ARHGEF10: variants seen among roughly 807,000 people sequenced by gnomAD.
The protein encoded by ARHGEF10 is Rho guanine nucleotide exchange factor (GEF) 10.
In ARHGEF10, 140 loss-of-function variants were observed where a neutral mutation model predicts 147.4. That is an observed-to-expected ratio of 0.95 (90% CI 0.83 to 1.09). The LOEUF (loss-of-function observed/expected upper bound fraction) is 1.09. ARHGEF10 is among the 50% of genes least tolerant of loss of function. The probability of loss-of-function intolerance (pLI) is 0.00; values close to 1 mark genes in which losing one functional copy is unlikely to be tolerated. For synonymous variants in ARHGEF10, 902 were observed against 695.8 expected (o/e 1.30, Z -4.67); for missense variants, 2,222 against 1,752.7 (o/e 1.27, Z -4.78).
In ARHGEF10 at chr8:1,923,023, T is replaced by C. The variant is rs781586127; in HGVS notation, c.2203T>C (p.Leu735=). 18 of 1,613,722 alleles carry C rather than the reference T, an allele frequency of 1.1e-5. No homozygotes were observed. The highest frequency in any genetic ancestry group is 1.4e-5 in the Non-Finnish European group (17 of 1,179,950). ...AGATTTACAAAACTTGTTGCATGAC[T>C]TAAATGTAATTGGCCAAATCACTCA... ...YQDLQNLLHD[L]NVIGQITQLI... The change falls in exon 19 of 29, where the codon TTA becomes CTA. Residue 735 remains leucine (L), a synonymous_variant. Coordinates refer to ENST00000349830, the MANE Select transcript of ARHGEF10 (RefSeq NM_014629.4).
intron 23 of ARHGEF10, chr8:1,927,449 C>T (rs1812773226): frequency 6.6e-6 from 1 of 152,150 alleles, no homozygotes; most frequent in Non-Finnish European, 1.5e-5. Flanking sequence ...ATGAAAACAT[C>T]ACCCTAAACC....
intron 7 of ARHGEF10, among the ~76,000 whole-genome samples, chr8:1,872,207 T>A (rs1414938627): frequency 6.6e-6 from 1 of 152,194 alleles, no homozygotes; most frequent in Non-Finnish European, 1.5e-5. Flanking sequence ...CCTTGAAGAA[T>A]CAACTATACC....
At chr8:1,887,384 G>A (rs1310075393) in intron 11 of ARHGEF10, among the ~76,000 whole-genome samples, 1 of 152,298 alleles carries the variant, frequency 6.6e-6, no homozygotes, top group South Asian at 2.1e-4. Flanking sequence ...GGCAGGATGC[G>A]GGGGTGAGTG....
At position 1,956,762 on chromosome 8, in the gene ARHGEF10, C is replaced by T. The variant is rs765355373; in HGVS notation, c.3534C>T (p.Val1178=). 6.2e-7 allele frequency: 1 copy of T among 1,613,812 alleles called. No homozygotes were observed. The highest frequency in any genetic ancestry group is 1.3e-5 in the African/African-American group (1 of 74,928). Residue 1178 remains valine, a synonymous_variant, in exon 29 of 29, where the codon GTC becomes GTT. Transcript: ENST00000349830. ...TTCCCTTTTCAGGAAGAGGCATGGT[C>T]TCCTACCATGCACACAACAGTCCTG... ...GIPKVTGRGM[V]SYHAHNSPVK... is the part of the protein sequence containing the mutation.
intron 21 of ARHGEF10, 78 bp from the exon 22 acceptor site, chr8:1,925,205 C>G: frequency 1.3e-6 from 2 of 1,589,578 alleles, no homozygotes; most frequent in Non-Finnish European, 8.6e-7. Context: ...ACTTCCCCTG[C>G]TATGACCTGT....
chr8:1,844,122 T>G (rs368257025), intron 2 of ARHGEF10, among the ~76,000 whole-genome samples: 54 of 152,210 alleles, frequency 3.5e-4, no homozygotes, highest in African/African-American at 1.2e-3. Context: ...GGGCCTGGTG[T>G]CCGTTGCAGG....
At chr8:1,950,555 G>A (rs1412193139) in intron 27 of ARHGEF10, among the ~76,000 whole-genome samples, 3 of 150,558 alleles carry the variant, frequency 2.0e-5, no homozygotes, top group African/African-American at 4.9e-5. Flanking sequence ...TATTTGAAAC[G>A]GAGTTTCACT....
intron 1 of ARHGEF10, among the ~76,000 whole-genome samples, chr8:1,830,589 A>G (rs554107113): frequency 6.6e-6 from 1 of 152,362 alleles, no homozygotes; most frequent in South Asian, 2.1e-4. Flanking sequence ...CAGGTGTTTC[A>G]TGAATACCGC....
intron 1 of ARHGEF10, chr8:1,826,038 C>A: frequency 7.2e-7 from 1 of 1,388,826 alleles, no homozygotes; most frequent in Non-Finnish European, 1.0e-6. Flanking sequence ...CCCTGTCTGT[C>A]TCTCACAGCA....
chr8:1,834,166 TG>T (rs1803440024), intron 1 of ARHGEF10, among the ~76,000 whole-genome samples: 1 of 152,188 alleles, frequency 6.6e-6, no homozygotes, highest in Non-Finnish European at 1.5e-5. Context: ...GGTCCGGGGC[TG>T]CTTGTCCCCT....
intron 2 of ARHGEF10, among the ~76,000 whole-genome samples, chr8:1,844,538 G>C (rs934918425): frequency 3.9e-5 from 6 of 152,108 alleles, no homozygotes; most frequent in African/African-American, 1.5e-4. Context: ...TGCTGCCGGG[G>C]GTCTGCGGTG....
At chr8:1,918,920 T>G (rs896897647) in intron 18 of ARHGEF10, among the ~76,000 whole-genome samples, 6 of 150,090 alleles carry the variant, frequency 4.0e-5, no homozygotes, top group Non-Finnish European at 5.9e-5. Context: ...AGGTGTTCTG[T>G]GAGTGATGGA....
At chr8:1,945,453 TAGC>T (rs1407522372) in intron 26 of ARHGEF10, 25 bp from the exon 27 acceptor site, 1 of 1,564,296 alleles carries the variant, frequency 6.4e-7, no homozygotes, top group East Asian at 2.4e-5. Context: ...TCCACGGGGC[TAGC>T]AGACTTGACC....
At chr8:1,853,820 G>A (rs910958642) in intron 2 of ARHGEF10, among the ~76,000 whole-genome samples, 15 of 152,318 alleles carry the variant, frequency 9.8e-5, no homozygotes, top group African/African-American at 3.4e-4. Flanking sequence ...GGGCACTCCC[G>A]GGAGTTCCTG....
intron 8 of ARHGEF10, among the ~76,000 whole-genome samples, chr8:1,877,981 C>T (rs1175383906): frequency 6.6e-6 from 1 of 151,926 alleles, no homozygotes; most frequent in East Asian, 1.9e-4. Context: ...CTGCCACGTC[C>T]CTATGGTTTA....
intron 1 of ARHGEF10, among the ~76,000 whole-genome samples, chr8:1,826,364 TTG>T (rs1437946274): frequency 6.6e-6 from 1 of 151,978 alleles, no homozygotes; most frequent in East Asian, 1.9e-4. Context: ...GTGTTTGTGT[TTG>T]TATGCATGTG....
intron 18 of ARHGEF10, among the ~76,000 whole-genome samples, chr8:1,914,119 C>T (rs939885515): frequency 1.3e-5 from 2 of 152,242 alleles, no homozygotes; most frequent in African/African-American, 4.8e-5. Flanking sequence ...GCGGGCGTGA[C>T]TTACAGTCTT....
chr8:1,869,868 C>G (rs767783144), intron 7 of ARHGEF10: 2 of 167,622 alleles, frequency 1.2e-5, no homozygotes, highest in Non-Finnish European at 2.6e-5. Flanking sequence ...GCTCTTTTAA[C>G]CTGAGCGGCC....
At chr8:1,925,431 G>T (rs374687394) in intron 22 of ARHGEF10, 27 bp downstream of exon 22, 203 of 1,612,668 alleles carry the variant, frequency 1.3e-4, no homozygotes, top group Admixed American at 2.5e-4. Context: ...CCCGCGGCCC[G>T]GGGTGGGACG....
Sources: allele counts gnomAD v4.1 joint callset (sites outside exome capture counted in the v4.1 genomes callset), GRCh38; gene constraint gnomAD v4.1.1; transcripts MANE v1.5; gene names NCBI Gene and HGNC (gene_info 2026-07-23, HGNC 2026-07-21).